POU6F2: variants seen among roughly 807,000 people sequenced by gnomAD.
POU6F2 encodes the protein POU class 6 homeobox 2, also known as POU domain, class 6, transcription factor 2.
Under a neutral mutation model 71.3 loss-of-function variants are expected in POU6F2, and 31 were observed. The ratio of observed to expected loss-of-function variants is 0.43; its 90% CI spans 0.33 to 0.59. The LOEUF (loss-of-function observed/expected upper bound fraction) is 0.59, where lower values mean the gene tolerates loss of function less well. POU6F2 is among the 20% of genes least tolerant of loss of function. The probability of loss-of-function intolerance (pLI) is 0.04; values close to 1 mark genes in which losing one functional copy is unlikely to be tolerated. For synonymous variants in POU6F2, 347 were observed against 355.7 expected (o/e 0.98, Z 0.27); for missense variants, 783 against 856.8 (o/e 0.91, Z 1.07).
chr7:39,311,392 C>G (rs1009583180), intron 4 of POU6F2, among the ~76,000 whole-genome samples: 1 of 152,126 alleles, frequency 6.6e-6, no homozygotes, highest in Non-Finnish European at 1.5e-5. Flanking sequence ...TTGCCCATCA[C>G]ACTGATCACC....
Position 39,460,645 on chromosome 7 carries a change from A to T in POU6F2, c.1588A>T (p.Thr530Ser). ...AATCCGGCGCCTGTCCCTTGGCCTG[A>T]CCCAGACTCAGGTGGGACAGGCTCT... The part of the protein sequence containing the change: ...FKIRRLSLGL[T>S]QTQVGQALSA... Residue 530 changes from threonine to serine, a missense_variant, in exon 9 of 10, where the codon ACC (threonine) becomes TCC (serine). By Grantham distance (58) the Thr-to-Ser change is moderately conservative. This residue lies in a region of POU6F2 where 211 missense variants were observed against 283.9 expected (regional missense o/e 0.74). Coordinates refer to ENST00000518318, the MANE Select transcript of POU6F2 (RefSeq NM_001370959.1). This position sits in a 1 kb window ranked among gnomAD's most constrained non-coding sequence, Gnocchi z 4.4. The T allele has an allele frequency of 2.5e-6, 4 of 1,609,626 alleles. No individual in the cohort carries two copies. Among genetic ancestry groups the T allele is most frequent in the Non-Finnish European group, 3.4e-6 (4 of 1,177,984 alleles).
intron 2 of POU6F2, among the ~76,000 whole-genome samples, chr7:39,127,310 C>CA (rs1792159609): frequency 6.6e-6 from 1 of 152,080 alleles, no homozygotes; most frequent in Non-Finnish European, 1.5e-5. Flanking sequence ...GTTTCCTTAC[C>CA]AAAAACGTGT....
chr7:39,419,660 T>A (rs1017208214), intron 6 of POU6F2, among the ~76,000 whole-genome samples: 1 of 152,180 alleles, frequency 6.6e-6, no homozygotes, highest in African/African-American at 2.4e-5. Flanking sequence ...ACTTCAATTG[T>A]TTTAACAGCT....
At chr7:39,245,477 A>G (rs1783804563) in intron 4 of POU6F2, among the ~76,000 whole-genome samples, 1 of 152,182 alleles carries the variant, frequency 6.6e-6, no homozygotes, top group South Asian at 2.1e-4. Flanking sequence ...TGATAGCAAT[A>G]TCTACCAGTT....
intron 4 of POU6F2, among the ~76,000 whole-genome samples, chr7:39,231,226 T>C (rs923193159): frequency 3.9e-5 from 6 of 152,196 alleles, no homozygotes; most frequent in Admixed American, 3.9e-4. Context: ...GTGTTCTGGC[T>C]AGAAATTGTG....
intron 1 of POU6F2, among the ~76,000 whole-genome samples, chr7:39,030,543 T>TACAC (rs1554310459): frequency 2.8e-4 from 25 of 88,008 alleles, no homozygotes; most frequent in African/African-American, 9.4e-4. Flanking sequence ...TATATATATA[T>TACAC]ACACACACAT....
chr7:39,130,066 CAAAAAAAAA>C (rs572365688), intron 2 of POU6F2, among the ~76,000 whole-genome samples: 1 of 44,544 alleles, frequency 2.2e-5, no homozygotes, highest in Non-Finnish European at 4.7e-5. Flanking sequence ...GACTCCATCT[CAAAAAAAAA>C]AAAAAAAAAA....
In POU6F2 at chr7:39,325,192, T is replaced by C. The variant is rs1433480215; in HGVS notation, c.599-14450T>C. ...TCTGGCAAAGGTATATTTTTAATCC[T>C]ATATCTCAAAATATAAAAAGAGATG... On this transcript the variant is annotated intron_variant, in intron 4 of 9. Transcript: ENST00000518318. Among the ~76,000 whole-genome samples, 3 of 152,208 alleles carry C rather than the reference T, an allele frequency of 2.0e-5. No homozygotes were observed. The South Asian group carries it at 6.2e-4, about 32-fold the overall frequency.
chr7:39,335,599 C>T (rs1425546456), intron 4 of POU6F2, among the ~76,000 whole-genome samples: 1 of 152,182 alleles, frequency 6.6e-6, no homozygotes, highest in African/African-American at 2.4e-5. Context: ...GCTGTGTAAA[C>T]TTGGGAAGGT....
intron 4 of POU6F2, among the ~76,000 whole-genome samples, chr7:39,239,059 A>G (rs765169489): frequency 2.0e-5 from 3 of 152,162 alleles, no homozygotes; most frequent in Non-Finnish European, 4.4e-5. Flanking sequence ...ACAAGATGGT[A>G]ATTACATATG....
In POU6F2 at chr7:39,400,528, G is replaced by A. The variant is rs114665922; in HGVS notation, c.973-6072G>A. Among the ~76,000 whole-genome samples, 307 of 152,210 alleles carry A rather than the reference G, an allele frequency of 2.0e-3. 3 individuals carry two copies. Among genetic ancestry groups the A allele is most frequent in the African/African-American group, 6.5e-3 (270 of 41,544 alleles). ...TTGCCAACCCTCATCTTCACCCCAC[G>A]GGCTGTTAACCAAGGACTGTCAGGT... On this transcript the variant is annotated intron_variant, in intron 5 of 9. Transcript: ENST00000518318.
At chr7:39,381,294 G>T (rs1256065891) in intron 5 of POU6F2, among the ~76,000 whole-genome samples, 1 of 152,162 alleles carries the variant, frequency 6.6e-6, no homozygotes, top group Non-Finnish European at 1.5e-5. Context: ...CTGGAGCGCA[G>T]TAGCACGATC....
chr7:38,991,890 T>G (rs999989056), intron 1 of POU6F2, among the ~76,000 whole-genome samples: 2 of 152,092 alleles, frequency 1.3e-5, no homozygotes, highest in African/African-American at 4.8e-5. Context: ...TTTATCTGTC[T>G]TTAACTGTAT....
intron 1 of POU6F2, among the ~76,000 whole-genome samples, chr7:39,002,714 C>T (rs116156088): frequency 0.015 from 2,289 of 152,286 alleles, 40 homozygotes; most frequent in Middle Eastern, 0.037. Context: ...TGACTTACTG[C>T]TTTGGTAATT....
At chr7:39,171,738 C>A (rs1326804933) in intron 2 of POU6F2, among the ~76,000 whole-genome samples, 2 of 152,226 alleles carry the variant, frequency 1.3e-5, no homozygotes, top group African/African-American at 2.4e-5. Context: ...AGGGATGCTA[C>A]AGTGTCCTTT....
At chr7:39,346,290 C>T (rs551191845) in intron 5 of POU6F2, among the ~76,000 whole-genome samples, 11 of 152,210 alleles carry the variant, frequency 7.2e-5, no homozygotes, top group African/African-American at 2.4e-4. Flanking sequence ...GGTACTGCTC[C>T]GTAGATTAGT....
At position 39,262,753 on chromosome 7, in the gene POU6F2, T is replaced by TG. The variant is rs35365547; in HGVS notation, c.598+55133_598+55134insG. ...AGTTGTAGTTTGTTGTTGTTGTTGT[T>TG]TTTTCCAACCAACATGAATCACGGA... On this transcript the variant is annotated intron_variant, in intron 4 of 9. Transcript: ENST00000518318. 3.4e-4 allele frequency among the ~76,000 whole-genome samples: 52 copies of TG among 150,942 alleles called. No homozygotes were observed. In the South Asian group the frequency reaches 6.6e-3, roughly 19 times the overall value.
chr7:39,142,360 T>C (rs1562721394), intron 2 of POU6F2, among the ~76,000 whole-genome samples: 1 of 152,144 alleles, frequency 6.6e-6, no homozygotes, highest in Non-Finnish European at 1.5e-5. Flanking sequence ...TGTTGTACCA[T>C]TGTGTTTATA....
intron 4 of POU6F2, among the ~76,000 whole-genome samples, chr7:39,278,920 A>G (rs1488706818): frequency 1.3e-5 from 2 of 152,008 alleles, no homozygotes; most frequent in Non-Finnish European, 2.9e-5. Flanking sequence ...ATTACCAACT[A>G]CTTCCAACAT....
Sources: allele counts gnomAD v4.1 joint callset (sites outside exome capture counted in the v4.1 genomes callset), GRCh38; gene constraint gnomAD v4.1.1; regional missense constraint gnomAD v4.1.1; non-coding constraint Gnocchi (gnomAD v3.1); transcripts MANE v1.5; gene names NCBI Gene and HGNC (gene_info 2026-07-23, HGNC 2026-07-21).